The following MMS22L variants were observed in gnomAD, a reference collection of about 807,000 sequenced individuals.
MMS22L encodes the protein MMS22 like, DNA repair protein.
Under a neutral mutation model 159.1 loss-of-function variants are expected in MMS22L, and 74 were observed. The ratio of observed to expected loss-of-function variants is 0.47; its 90% confidence interval spans 0.39 to 0.56. The LOEUF is 0.56. Ranked by LOEUF, MMS22L falls within the 20% of genes least tolerant of loss-of-function variation. MMS22L has a pLI of 0.00. For synonymous variants in MMS22L, 517 were observed against 506.9 expected (o/e 1.02, Z -0.27); for missense variants, 1,351 against 1,422.1 (o/e 0.95, Z 0.80).
Position 97,178,588 on chromosome 6 carries a change from G to T in MMS22L, c.2537-3C>A. The T allele has an allele frequency of 6.9e-7, 1 of 1,454,696 alleles. No homozygotes were observed. Among genetic ancestry groups the T allele is most frequent in the Non-Finnish European group, 9.4e-7 (1 of 1,063,304 alleles). The allele number at this position is 1,454,696 out of a possible 1,614,324, so 90.1% of individuals were successfully genotyped here. A position where few individuals can be genotyped will look rare whatever the true frequency, so the allele number is the denominator to read the frequency against. ...CAACTGTTTCATGTACTCTTTTTCT[G>T]TTAAAATAAAATAGTATTTGTTATA... On this transcript the variant is annotated splice_polypyrimidine_tract_variant and splice_region_variant and intron_variant, in intron 17 of 24. Coordinates refer to ENST00000683635, the MANE Select transcript of MMS22L (RefSeq NM_001350599.2).
chr6:97,248,517 CA>C (rs1265852417), intron 10 of MMS22L, among the ~76,000 whole-genome samples: 1 of 151,990 alleles, frequency 6.6e-6, no homozygotes, highest in Non-Finnish European at 1.5e-5. Context: ...AAAATGAATG[CA>C]AAAAAGCATT....
At chr6:97,175,285 T>G (rs527699512) in intron 18 of MMS22L, among the ~76,000 whole-genome samples, 94 of 152,326 alleles carry the variant, frequency 6.2e-4, no homozygotes, top group African/African-American at 2.2e-3. Context: ...ACAGCTTGAT[T>G]CTTATATCTG....
At chr6:97,264,614 T>C (rs1814889408) in intron 8 of MMS22L, 1 of 152,132 alleles carries the variant, frequency 6.6e-6, no homozygotes, top group South Asian at 2.1e-4. Context: ...TTGTTGCTGT[T>C]TGTAGATAAC....
intron 10 of MMS22L, among the ~76,000 whole-genome samples, chr6:97,248,028 T>C (rs1312787130): frequency 2.0e-5 from 3 of 152,180 alleles, no homozygotes; most frequent in Non-Finnish European, 4.4e-5. Context: ...CTCCTGGAAT[T>C]TATGCTTTCT....
chr6:97,220,605 A>T (rs370181511), intron 14 of MMS22L, among the ~76,000 whole-genome samples: 15 of 152,140 alleles, frequency 9.9e-5, no homozygotes, highest in East Asian at 9.6e-4. Context: ...AGAGGTAATG[A>T]CATCTGTGAG....
intron 14 of MMS22L, among the ~76,000 whole-genome samples, chr6:97,222,202 A>G (rs1310527887): frequency 6.6e-6 from 1 of 152,056 alleles, no homozygotes; most frequent in Non-Finnish European, 1.5e-5. Flanking sequence ...ATATTTGAAG[A>G]GAATAATAAA....
chr6:97,151,697 G>C (rs927459900), intron 23 of MMS22L, 74 bp downstream of exon 23: 54 of 1,143,508 alleles, frequency 4.7e-5, no homozygotes, highest in Non-Finnish European at 7.1e-5. Flanking sequence ...TGGATAATTA[G>C]TTATTTAAAA....
intron 9 of MMS22L, among the ~76,000 whole-genome samples, chr6:97,257,007 CTT>C (rs1392512725): frequency 2.6e-5 from 4 of 152,082 alleles, no homozygotes; most frequent in Admixed American, 1.3e-4. Context: ...AATTTCTTCT[CTT>C]TGTCTTTGGT....
At chr6:97,268,031 A>G in intron 7 of MMS22L, 29 bp from the exon 8 acceptor site, 2 of 1,450,150 alleles carry the variant, frequency 1.4e-6, no homozygotes, top group Non-Finnish European at 1.8e-6. Flanking sequence ...TAGTTTTAAA[A>G]TACAGATTTT....
chr6:97,159,842 A>G (rs182952562), intron 22 of MMS22L, among the ~76,000 whole-genome samples: 1 of 151,966 alleles, frequency 6.6e-6, no homozygotes, highest in Non-Finnish European at 1.5e-5. Flanking sequence ...ATAAATATGC[A>G]AATATTCAAA....
At chr6:97,205,940 T>C (rs558350193) in intron 14 of MMS22L, among the ~76,000 whole-genome samples, 11 of 152,288 alleles carry the variant, frequency 7.2e-5, no homozygotes, top group East Asian at 1.9e-4. Context: ...AACTCCACAA[T>C]AGGAAACTGC....
At chr6:97,217,191 T>C (rs1008626195) in intron 14 of MMS22L, among the ~76,000 whole-genome samples, 11 of 152,166 alleles carry the variant, frequency 7.2e-5, no homozygotes, top group Non-Finnish European at 1.6e-4. Flanking sequence ...TCTATGCTTC[T>C]TGAAAGTAGG....
intron 24 of MMS22L, among the ~76,000 whole-genome samples, chr6:97,149,482 C>A (rs1035878081): frequency 6.6e-6 from 1 of 152,080 alleles, no homozygotes; most frequent in African/African-American, 2.4e-5. Context: ...ATCCCTCAAA[C>A]GGTTATGATT....
chr6:97,220,209 C>T (rs2127975539), intron 14 of MMS22L, among the ~76,000 whole-genome samples: 1 of 152,264 alleles, frequency 6.6e-6, no homozygotes, highest in African/African-American at 2.4e-5. Flanking sequence ...GGTAGAAAGA[C>T]TTGGGGATTT....
intron 24 of MMS22L, 113 bp downstream of exon 24, chr6:97,149,739 CT>C: frequency 9.2e-7 from 1 of 1,085,706 alleles, no homozygotes; most frequent in Non-Finnish European, 1.3e-6. Flanking sequence ...CATTTTTCAT[CT>C]CAAAAGAACA....
intron 6 of MMS22L, chr6:97,271,303 T>C (rs1440391363): frequency 6.6e-6 from 1 of 152,124 alleles, no homozygotes; most frequent in Non-Finnish European, 1.5e-5. Context: ...ACCTATCTTT[T>C]CAAGTCTGCC....
intron 3 of MMS22L, 103 bp from the exon 4 acceptor site, chr6:97,279,001 T>A: frequency 1.2e-6 from 1 of 858,300 alleles, no homozygotes; most frequent in Non-Finnish European, 1.8e-6. Flanking sequence ...AATACCTCTT[T>A]AATTTGGGGA....
chr6:97,241,810 T>C (rs1246989351), intron 11 of MMS22L, among the ~76,000 whole-genome samples: 1 of 152,190 alleles, frequency 6.6e-6, no homozygotes, highest in Non-Finnish European at 1.5e-5. Flanking sequence ...GTGTCACTAT[T>C]ACTATTCAGT....
chr6:97,271,429 C>G (rs1815724600), intron 6 of MMS22L: 1 of 151,958 alleles, frequency 6.6e-6, no homozygotes, highest in South Asian at 2.1e-4. Context: ...GATGGATAAC[C>G]AGAAAATAAA....
Sources: gnomAD v4.1 joint callset for allele counts (sites outside exome capture counted in the v4.1 genomes callset) on GRCh38, gnomAD v4.1.1 for gene constraint, MANE v1.5 for transcripts, NCBI Gene and HGNC (gene_info 2026-07-23, HGNC 2026-07-21) for gene names.